The following SUPT16H variants were observed in gnomAD, a reference collection of about 807,000 sequenced individuals.
SUPT16H encodes the protein SPT16 homolog, facilitates chromatin remodeling subunit, also known as FACT complex subunit SPT16.
A neutral mutation model predicts 136.2 loss-of-function variants in SUPT16H; 24 were observed. That is an observed-to-expected ratio of 0.18 (90% CI 0.13 to 0.25). The LOEUF (loss-of-function observed/expected upper bound fraction) is 0.25, where lower values mean the gene tolerates loss of function less well. Among genes scored for constraint, SUPT16H ranks in the 10% least tolerant of loss-of-function variants. The pLI is 1.00. For synonymous variants in SUPT16H, 415 were observed against 428.2 expected, an observed-to-expected ratio of 0.97 and a Z score of 0.38; for missense variants, 623 against 1,270.2, an observed-to-expected ratio of 0.49 and a Z score of 7.74.
At chr14:21,369,549 T>C (rs1379952687) in intron 5 of SUPT16H, 194 bp from the exon 6 acceptor site, 1 of 966,090 alleles carries the variant, frequency 1.0e-6, no homozygotes, top group Non-Finnish European at 1.5e-6. Context: ...ATTCCTATGA[T>C]TCTCAAGTAA....
At chr14:21,377,963 T>C (rs1221278300) in intron 1 of SUPT16H, among the ~76,000 whole-genome samples, 1 of 152,038 alleles carries the variant, frequency 6.6e-6, no homozygotes, top group Admixed American at 6.6e-5. Context: ...GAAAATGTGC[T>C]AAAGAAAAAA....
intron 1 of SUPT16H, chr14:21,382,940 T>A (rs1419224732): frequency 2.0e-5 from 3 of 152,142 alleles, no homozygotes; most frequent in African/African-American, 7.2e-5. Flanking sequence ...TAATTTACAA[T>A]GCTGAAATGA....
rs1159081447 is a variant in SUPT16H, at chr14:21,360,974, TAAGC to T, written c.1930-6_1930-3del. 6.2e-7 allele frequency: 1 copy of T among 1,612,654 alleles called. No homozygotes were observed. Among genetic ancestry groups the T allele is most frequent in the Non-Finnish European group, 8.5e-7 (1 of 1,179,398 alleles). ...CAGTGAGTCTTGTTTTACAATCCCC[TAAGC>T]AAGAAGAAAATTAATGTGAATTGTC... is the stretch of plus-strand genomic sequence containing the variant. On this transcript the variant is annotated splice_polypyrimidine_tract_variant and splice_region_variant and intron_variant, in intron 16 of 25. Coordinates refer to ENST00000216297, the MANE Select transcript of SUPT16H (RefSeq NM_007192.4).
chr14:21,362,334 G>C lies in SUPT16H; in HGVS notation c.1666-10C>G, dbSNP rs778106367. ...CGGACATACTTATATTCTGTTCAAA[G>C]GAAAAGCATAAAAAGTAAACAGATT... On this transcript the variant is annotated splice_polypyrimidine_tract_variant and intron_variant, in intron 14 of 25. Coordinates refer to ENST00000216297, the MANE Select transcript of SUPT16H (RefSeq NM_007192.4). The C allele has an allele frequency of 1.9e-6, 3 of 1,604,118 alleles. No individual in the cohort carries two copies. Among genetic ancestry groups the C allele is most frequent in the African/African-American group, 1.3e-5 (1 of 74,396 alleles).
At chr14:21,356,696 C>T (rs1328275566) in intron 22 of SUPT16H, among the ~76,000 whole-genome samples, 1 of 152,178 alleles carries the variant, frequency 6.6e-6, no homozygotes, top group Admixed American at 6.5e-5. Context: ...GCTGTGACTG[C>T]ACCACTACAC....
intron 7 of SUPT16H, 93 bp from the exon 8 acceptor site, chr14:21,366,622 T>A: frequency 8.1e-7 from 1 of 1,233,422 alleles, no homozygotes; most frequent in Non-Finnish European, 1.1e-6. Flanking sequence ...CCTAAAGCAG[T>A]GTTTCTCAAA....
intron 2 of SUPT16H, chr14:21,372,723 C>T (rs554803222): frequency 1.6e-5 from 7 of 437,910 alleles, no homozygotes; most frequent in South Asian, 6.6e-5. Context: ...GAAGACTATA[C>T]ATAAGGAAAA....
At chr14:21,370,607 C>G in intron 3 of SUPT16H, 119 bp from the exon 4 acceptor site, 1 of 1,108,910 alleles carries the variant, frequency 9.0e-7, no homozygotes, top group Non-Finnish European at 1.3e-6. Context: ...TCCTCCCATC[C>G]CCACCTACTT....
At chr14:21,377,727 G>A (rs1279367370) in intron 1 of SUPT16H, among the ~76,000 whole-genome samples, 3 of 152,108 alleles carry the variant, frequency 2.0e-5, no homozygotes, top group East Asian at 1.9e-4. Flanking sequence ...GGGTTCAAGC[G>A]ATTCTCGTGC....
chr14:21,383,624 A>G lies in SUPT16H; in HGVS notation c.66+238T>C, dbSNP rs909948784. 8 of 705,546 alleles carry G rather than the reference A, an allele frequency of 1.1e-5. No individual in the cohort carries two copies. The African/African-American group carries it at 1.2e-4, about 11-fold the overall frequency. The allele number at this position is 705,546 out of a possible 1,614,324, so 43.7% of individuals were successfully genotyped here. On this transcript the variant is annotated intron_variant, in intron 1 of 25. Transcript: ENST00000216297. ...ACTGCGAGAGGTGCTGCTATGCATG[A>G]CCAAGGCTGGCACGCGGGGAAGATG...
intron 8 of SUPT16H, among the ~76,000 whole-genome samples, chr14:21,365,470 G>A (rs954896721): frequency 6.6e-6 from 1 of 152,076 alleles, no homozygotes; most frequent in Non-Finnish European, 1.5e-5. Context: ...TTATTAAGGG[G>A]TACATTACTA....
At chr14:21,377,820 C>T (rs1157892134) in intron 1 of SUPT16H, among the ~76,000 whole-genome samples, 2 of 152,142 alleles carry the variant, frequency 1.3e-5, no homozygotes, top group Non-Finnish European at 1.5e-5. Flanking sequence ...GATGGGGTTT[C>T]GCCATGTCGG....
chr14:21,363,155 G>C lies in SUPT16H; in HGVS notation c.1396-6C>G. The C allele has an allele frequency of 6.2e-7, 1 of 1,613,784 alleles. No homozygotes were observed. Among genetic ancestry groups the C allele is most frequent in the Non-Finnish European group, 8.5e-7 (1 of 1,180,018 alleles). ...TCTTCTGCAGTCATTTCATTCTGGT[G>C]AATGGAAAATCCAATTTATCACAAC... is the stretch of plus-strand genomic sequence containing the variant. On this transcript the variant is annotated splice_polypyrimidine_tract_variant and splice_region_variant and intron_variant, in intron 12 of 25. Coordinates refer to ENST00000216297, the MANE Select transcript of SUPT16H (RefSeq NM_007192.4).
chr14:21,377,269 T>C (rs187619490), intron 1 of SUPT16H, among the ~76,000 whole-genome samples: 1 of 152,066 alleles, frequency 6.6e-6, no homozygotes, highest in African/African-American at 2.4e-5. Flanking sequence ...AAGAGACATA[T>C]CAAAGCACAT....
intron 1 of SUPT16H, chr14:21,383,556 G>C (rs78412029): frequency 5.9e-6 from 4 of 677,296 alleles, no homozygotes; most frequent in Non-Finnish European, 8.0e-6. Flanking sequence ...ACGTGACCAC[G>C]GAGTAGGAGG....
intron 1 of SUPT16H, among the ~76,000 whole-genome samples, chr14:21,382,452 G>A (rs951887654): frequency 3.9e-5 from 6 of 152,196 alleles, no homozygotes; most frequent in African/African-American, 1.2e-4. Flanking sequence ...GTCATGTAGA[G>A]GAAGTGAGAG....
chr14:21,360,570 TTAAG>T (rs764570233), intron 17 of SUPT16H, 37 bp from the exon 18 acceptor site: 1 of 1,571,022 alleles, frequency 6.4e-7, no homozygotes, highest in Non-Finnish European at 8.7e-7. Flanking sequence ...AGCAGTATAA[TTAAG>T]TTAGGCCAAA....
intron 7 of SUPT16H, among the ~76,000 whole-genome samples, chr14:21,366,857 G>A (rs1033717552): frequency 1.3e-5 from 2 of 152,006 alleles, no homozygotes. Flanking sequence ...ATGTTGCCCA[G>A]GCTGGTCTCA....
chr14:21,363,516 G>C lies in SUPT16H; in HGVS notation c.1234-13C>G, dbSNP rs935167860. 17 of 1,609,600 alleles carry C rather than the reference G, an allele frequency of 1.1e-5. No homozygotes were observed. Among genetic ancestry groups the C allele is most frequent in the Non-Finnish European group, 1.4e-5 (17 of 1,178,616 alleles). ...TAGCTGGGCCATCCTAGAATTAAAA[G>C]GAGAATGAAGACACATTATTTAAAA... On this transcript the variant is annotated splice_polypyrimidine_tract_variant and intron_variant, in intron 10 of 25. Transcript: ENST00000216297.
Sources: gnomAD v4.1 joint callset for allele counts (sites outside exome capture counted in the v4.1 genomes callset) on GRCh38, gnomAD v4.1.1 for gene constraint, MANE v1.5 for transcripts, NCBI Gene and HGNC (gene_info 2026-07-23, HGNC 2026-07-21) for gene names.